Variants in GLIS3 observed in about 807,000 individuals in gnomAD.
GLIS3 encodes the protein GLIS family zinc finger 3.
GLIS3 carries 53 observed loss-of-function variants against 78.6 expected under a neutral mutation model. That is an observed-to-expected ratio of 0.67 (90% CI 0.54 to 0.85). The LOEUF (loss-of-function observed/expected upper bound fraction) is 0.85. Ranked by LOEUF, GLIS3 falls within the 40% of genes least tolerant of loss-of-function variation. GLIS3 has a pLI of 0.00. For missense variants in GLIS3, 1,703 were observed against 1,231.1 expected (o/e 1.38, Z -5.74); for synonymous variants, 684 against 509.9 (o/e 1.34, Z -4.60).
intron 2 of GLIS3, among the ~76,000 whole-genome samples, chr9:4,337,983 T>G (rs1448224910): frequency 6.6e-6 from 1 of 151,924 alleles, no homozygotes; most frequent in Non-Finnish European, 1.5e-5. Flanking sequence ...CCCAGGATGG[T>G]TTGCTCTTTC....
At chr9:3,957,999 C>T (rs1243329061) in intron 4 of GLIS3, among the ~76,000 whole-genome samples, 5 of 152,204 alleles carry the variant, frequency 3.3e-5, no homozygotes, top group Non-Finnish European at 5.9e-5. Flanking sequence ...AAATGTCACA[C>T]TCCTAAAGTT....
At chr9:4,328,435 T>A (rs1285466758) in intron 2 of GLIS3, among the ~76,000 whole-genome samples, 1 of 152,192 alleles carries the variant, frequency 6.6e-6, no homozygotes, top group Non-Finnish European at 1.5e-5. Context: ...AATCCATGGA[T>A]GCTCAACACC....
At chr9:4,132,812 G>C (rs1437630065) in intron 2 of GLIS3, among the ~76,000 whole-genome samples, 1 of 152,134 alleles carries the variant, frequency 6.6e-6, no homozygotes, top group Non-Finnish European at 1.5e-5. Context: ...ACACACACAA[G>C]GTGTTACAGA....
chr9:4,392,044 T>A, the GLIS3 span, among the ~76,000 whole-genome samples: 3 of 152,108 alleles, frequency 2.0e-5, no homozygotes, highest in African/African-American at 7.2e-5. Flanking sequence ...ATGTGGTACA[T>A]TATACACCAT....
At chr9:4,444,995 G>C in the GLIS3 span, among the ~76,000 whole-genome samples, 1 of 152,092 alleles carries the variant, frequency 6.6e-6, no homozygotes, top group Non-Finnish European at 1.5e-5. Context: ...GTTGCCCTTG[G>C]AGTTACATCT....
intron 9 of GLIS3, among the ~76,000 whole-genome samples, chr9:3,840,833 G>A (rs1818667753): frequency 6.6e-6 from 1 of 152,206 alleles, no homozygotes; most frequent in South Asian, 2.1e-4. Flanking sequence ...CTCTGAACAT[G>A]CTGGGTACTT....
chr9:4,253,918 C>G lies in GLIS3; in HGVS notation c.388+32120G>C, dbSNP rs116277108. On this transcript the variant is annotated intron_variant, in intron 2 of 10. Transcript: ENST00000381971. ...GGTGACGCCCCACCCTGCTTCAACTCTCCCTCCATGGGCTGCACTCACTGT... is the reference window on the plus strand; with the variant it reads ...GGTGACGCCCCACCCTGCTTCAACTGTCCCTCCATGGGCTGCACTCACTGT... 1.7e-3 allele frequency among the ~76,000 whole-genome samples: 261 copies of G among 152,290 alleles called. 2 individuals carry two copies. Among genetic ancestry groups the G allele is most frequent in the African/African-American group, 5.8e-3 (242 of 41,550 alleles).
At chr9:4,173,781 T>C (rs1429474573) in intron 2 of GLIS3, among the ~76,000 whole-genome samples, 2 of 151,984 alleles carry the variant, frequency 1.3e-5, no homozygotes, top group Admixed American at 1.3e-4. Context: ...TGAAGCAATA[T>C]ACATGTTATT....
At chr9:4,211,867 T>C (rs1372538142) in intron 2 of GLIS3, among the ~76,000 whole-genome samples, 1 of 152,268 alleles carries the variant, frequency 6.6e-6, no homozygotes, top group East Asian at 1.9e-4. Flanking sequence ...TGATACATGC[T>C]ACAGCATGGA....
At chr9:4,427,667 A>C in the GLIS3 span, among the ~76,000 whole-genome samples, 6 of 151,872 alleles carry the variant, frequency 4.0e-5, no homozygotes, top group South Asian at 8.4e-4. Flanking sequence ...GAGACCAACC[A>C]GGTCAACATG....
At chr9:4,094,059 C>G (rs886976917) in intron 4 of GLIS3, among the ~76,000 whole-genome samples, 3 of 152,130 alleles carry the variant, frequency 2.0e-5, no homozygotes, top group African/African-American at 7.2e-5. Context: ...TCTTCCAGAT[C>G]ATCTGTTCCG....
At chr9:3,956,677 A>G (rs1370069455) in intron 4 of GLIS3, among the ~76,000 whole-genome samples, 3 of 152,072 alleles carry the variant, frequency 2.0e-5, no homozygotes, top group Admixed American at 6.5e-5. Flanking sequence ...CTCACAGACC[A>G]GTTGTATTTT....
the GLIS3 span, among the ~76,000 whole-genome samples, chr9:4,378,763 G>A: frequency 6.6e-6 from 1 of 152,150 alleles, no homozygotes; most frequent in Admixed American, 6.5e-5. Flanking sequence ...CATGTGTAGG[G>A]TAAACTTCCC....
At chr9:4,305,375 A>G (rs1001986086) in intron 4 of GLIS3, 1 of 152,246 alleles carries the variant, frequency 6.6e-6, no homozygotes, top group Non-Finnish European at 1.5e-5. Context: ...CAGTTCCACT[A>G]CATGAGTTAT....
intron 2 of GLIS3, among the ~76,000 whole-genome samples, chr9:4,211,881 A>T (rs1820406717): frequency 6.6e-6 from 1 of 152,256 alleles, no homozygotes; most frequent in African/African-American, 2.4e-5. Context: ...GCATGGATTG[A>T]CCTTGAAAAC....
At chr9:3,863,791 A>G (rs926594871) in intron 8 of GLIS3, among the ~76,000 whole-genome samples, 3 of 152,154 alleles carry the variant, frequency 2.0e-5, no homozygotes, top group Admixed American at 6.5e-5. Context: ...TTGTAAGTCA[A>G]AAAAACAAAC....
chr9:4,168,462 A>G (rs1451549051), intron 2 of GLIS3, among the ~76,000 whole-genome samples: 1 of 152,194 alleles, frequency 6.6e-6, no homozygotes, highest in Non-Finnish European at 1.5e-5. Context: ...TGTTCCCACA[A>G]CAAAGTCACT....
chr9:4,419,438 GC>G, the GLIS3 span, among the ~76,000 whole-genome samples: 1 of 152,148 alleles, frequency 6.6e-6, no homozygotes, highest in Non-Finnish European at 1.5e-5. Context: ...TACCACGAAG[GC>G]GGAAGGCAAA....
At chr9:4,024,308 G>A (rs1454484755) in intron 4 of GLIS3, among the ~76,000 whole-genome samples, 3 of 152,132 alleles carry the variant, frequency 2.0e-5, no homozygotes, top group Admixed American at 6.5e-5. Context: ...ACGGCTGTAC[G>A]AGCTGCAAAT....
Sources: allele counts gnomAD v4.1 joint callset (sites outside exome capture counted in the v4.1 genomes callset), GRCh38; gene constraint gnomAD v4.1.1; transcripts MANE v1.5; gene names NCBI Gene and HGNC (gene_info 2026-07-23, HGNC 2026-07-21).